The following PCDHGA1 variants were observed in gnomAD, a reference collection of about 807,000 sequenced individuals.
PCDHGA1 encodes the protein protocadherin gamma-A1.
Under a neutral mutation model 58.0 loss-of-function variants are expected in PCDHGA1, and 32 were observed. The observed-to-expected ratio is 0.55, with a 90% CI of 0.42 to 0.74. PCDHGA1 has a LOEUF of 0.74. Ranked by LOEUF, PCDHGA1 falls within the 30% of genes least tolerant of loss-of-function variation. PCDHGA1 has a pLI of 0.00. For synonymous variants in PCDHGA1, 498 were observed against 501.1 expected (o/e 0.99, Z 0.08); for missense variants, 1,205 against 1,182.3 (o/e 1.02, Z -0.28).
chr5:141,365,359 T>C, intron 1 of PCDHGA1: 1 of 1,613,920 alleles, frequency 6.2e-7, no homozygotes, highest in South Asian at 1.1e-5. Context: ...TGAATGACAA[T>C]GCCCCCGAAG....
intron 1 of PCDHGA1, chr5:141,395,163 G>T: frequency 6.2e-7 from 1 of 1,614,160 alleles, no homozygotes; most frequent in Non-Finnish European, 8.5e-7. Context: ...CAGTCAGGAG[G>T]GCTGTGAGAA....
chr5:141,433,914 C>A (rs2097664630), intron 1 of PCDHGA1, among the ~76,000 whole-genome samples: 1 of 151,702 alleles, frequency 6.6e-6, no homozygotes, highest in Admixed American at 6.6e-5. Context: ...TTACAATCAC[C>A]TCCAAATGAA....
chr5:141,331,106 A>G lies in PCDHGA1; in HGVS notation c.422A>G (p.Lys141Arg), dbSNP rs1265861627. The stretch of plus-strand genomic sequence containing the variant: ...TTCCAGTTAGAGGAACTGGAGTTTA[A>G]AATGAATGAAATAACGACTCCAGGT... Reference protein sequence around the residue: ...PQFQLEELEFKMNEITTPGTR... With the variant: ...PQFQLEELEFRMNEITTPGTR... Residue 141 changes from lysine to arginine, a missense_variant, in exon 1 of 4, where the codon AAA becomes AGA. Transcript: ENST00000517417. The G allele has an allele frequency of 1.2e-6, 2 of 1,614,202 alleles. No individual in the cohort carries two copies. Among genetic ancestry groups the G allele is most frequent in the Non-Finnish European group, 1.7e-6 (2 of 1,180,038 alleles).
intron 1 of PCDHGA1, among the ~76,000 whole-genome samples, chr5:141,435,885 C>T (rs2097784639): frequency 6.6e-6 from 1 of 152,088 alleles, no homozygotes; most frequent in Non-Finnish European, 1.5e-5. Context: ...TTGGAAACCC[C>T]TTAGAGAATG....
In PCDHGA1 at chr5:141,374,497, G is replaced by A. The variant is rs778938878; in HGVS notation, c.2421+41392G>A. On this transcript the variant is annotated intron_variant, in intron 1 of 3. Coordinates refer to ENST00000517417, the MANE Select transcript of PCDHGA1 (RefSeq NM_018912.3). ...CACCCCGATTCTTAAAGGAAGAATT[G>A]GAAGTGAAAATTCTCGAAAACGCAG... 7.4e-6 allele frequency: 12 copies of A among 1,611,444 alleles called. No homozygotes were observed. The Admixed American group carries it at 1.2e-4, about 16-fold the overall frequency.
At chr5:141,403,624 C>T (rs1269483770) in intron 1 of PCDHGA1, 3 of 1,613,924 alleles carry the variant, frequency 1.9e-6, no homozygotes. Context: ...GTCGCTCCAG[C>T]ACAGTGCGCA....
intron 1 of PCDHGA1, among the ~76,000 whole-genome samples, chr5:141,459,095 G>A (rs61275874): frequency 0.28 from 42,440 of 152,066 alleles, 6,652 homozygotes; most frequent in African/African-American, 0.43. Context: ...ATTATACAGT[G>A]CAATGCATTT....
intron 1 of PCDHGA1, among the ~76,000 whole-genome samples, chr5:141,480,187 T>TGAGGCCAGCAGTTC (rs2099513839): frequency 6.6e-6 from 1 of 151,380 alleles, no homozygotes; most frequent in Admixed American, 6.6e-5. Context: ...GCGGATTGCT[T>TGAGGCCAGCAGTTC]GAGGCCAGCA....
intron 1 of PCDHGA1, chr5:141,409,346 G>A (rs573212606): frequency 4.3e-6 from 7 of 1,613,998 alleles, no homozygotes; most frequent in South Asian, 2.2e-5. Context: ...AAATGGAGAA[G>A]TCAGGTGTAA....
intron 1 of PCDHGA1, chr5:141,413,467 G>C: frequency 1.2e-6 from 2 of 1,614,136 alleles, no homozygotes; most frequent in East Asian, 2.2e-5. Context: ...AGACCGGGAG[G>C]AGCTCTGCGC....
chr5:141,432,753 C>G lies in PCDHGA1; in HGVS notation c.2422-62054C>G. ...ACTGTCACGCTCACCGTGGCCGTGGCCGACAGCATCCCCCAAGTCCTGGCG... is the reference window on the plus strand; with the variant it reads ...ACTGTCACGCTCACCGTGGCCGTGGGCGACAGCATCCCCCAAGTCCTGGCG... On this transcript the variant is annotated intron_variant, in intron 1 of 3. Coordinates refer to ENST00000517417, the MANE Select transcript of PCDHGA1 (RefSeq NM_018912.3). The surrounding 1 kb of genome is among the most constrained non-coding windows in gnomAD (Gnocchi z 6.0). 1 of 1,614,138 alleles carries G rather than the reference C, an allele frequency of 6.2e-7. No individual in the cohort carries two copies. The highest frequency in any genetic ancestry group is 8.5e-7 in the Non-Finnish European group (1 of 1,179,996).
chr5:141,343,326 CT>C (rs1561486328), intron 1 of PCDHGA1: 1 of 980,176 alleles, frequency 1.0e-6, no homozygotes, highest in Non-Finnish European at 1.2e-6. Context: ...TGTTTCTTTT[CT>C]TTTTTTCCTT....
intron 1 of PCDHGA1, among the ~76,000 whole-genome samples, chr5:141,400,828 A>G (rs2094080616): frequency 6.6e-6 from 1 of 152,184 alleles, no homozygotes. Context: ...TCGTTGTCTC[A>G]TTCTTTAACA....
At chr5:141,473,735 A>G (rs529416084) in intron 1 of PCDHGA1, among the ~76,000 whole-genome samples, 75 of 152,352 alleles carry the variant, frequency 4.9e-4, no homozygotes, top group African/African-American at 1.6e-3. Context: ...GAGAGGGAGA[A>G]GACATGAGAA....
In PCDHGA1 at chr5:141,490,959, C is replaced by T. The variant is rs1385897960; in HGVS notation, c.2422-3848C>T. ...TGCACCCACGGCCAGACTGGGAACA[C>T]TCAGCCCCCCAGCGTCTCCCTCGCT... On this transcript the variant is annotated intron_variant, in intron 1 of 3. Transcript: ENST00000517417. The surrounding 1 kb of genome is among the most constrained non-coding windows in gnomAD (Gnocchi z 5.4). 6.2e-7 allele frequency: 1 copy of T among 1,613,844 alleles called. No individual in the cohort carries two copies. Among genetic ancestry groups the T allele is most frequent in the South Asian group, 1.1e-5 (1 of 91,038 alleles).
intron 3 of PCDHGA1, among the ~76,000 whole-genome samples, chr5:141,506,441 T>C (rs1940889203): frequency 9.8e-6 from 1 of 101,930 alleles, no homozygotes; most frequent in South Asian, 3.0e-4. Flanking sequence ...TCTCGCTCTG[T>C]CTCAAAAAAA....
At position 141,490,712 on chromosome 5, in the gene PCDHGA1, A is replaced by T; in HGVS notation, c.2422-4095A>T. The stretch of plus-strand genomic sequence containing the variant: ...ACTGGGGATAATGCCCGCCTCACCT[A>T]CTCCATTGTAGGAAATCAGGTTCAG... On this transcript the variant is annotated intron_variant, in intron 1 of 3. Transcript: ENST00000517417. The surrounding 1 kb of genome is among the most constrained non-coding windows in gnomAD (Gnocchi z 5.4). The T allele has an allele frequency of 6.2e-7, 1 of 1,613,686 alleles. No homozygotes were observed. The highest frequency in any genetic ancestry group is 8.5e-7 in the Non-Finnish European group (1 of 1,179,894).
intron 1 of PCDHGA1, chr5:141,345,795 G>C: frequency 6.2e-7 from 1 of 1,614,032 alleles, no homozygotes; most frequent in African/African-American, 1.3e-5. Context: ...CGGCTACCTG[G>C]TGACCAAGGT....
chr5:141,395,254 G>T, intron 1 of PCDHGA1: 1 of 1,556,766 alleles, frequency 6.4e-7, no homozygotes, highest in Non-Finnish European at 8.7e-7. Context: ...TTAGTTCTTT[G>T]CTTGCTTTTA....
Sources: allele counts gnomAD v4.1 joint callset (sites outside exome capture counted in the v4.1 genomes callset), GRCh38; gene constraint gnomAD v4.1.1; non-coding constraint Gnocchi (gnomAD v3.1); transcripts MANE v1.5; gene names NCBI Gene and HGNC (gene_info 2026-07-23, HGNC 2026-07-21).